GRIP1: variants seen among roughly 807,000 people sequenced by gnomAD.
GRIP1 encodes the protein glutamate receptor-interacting protein 1.
GRIP1 carries 45 observed loss-of-function variants against 129.9 expected under a neutral mutation model. The observed-to-expected ratio is 0.35, with a 90% CI of 0.27 to 0.44. The LOEUF is 0.44. Ranked by LOEUF, GRIP1 falls within the 20% of genes least tolerant of loss-of-function variation. The pLI is 1.00. For missense variants in GRIP1, 1,196 were observed against 1,396.8 expected (o/e 0.86, Z 2.29); for synonymous variants, 530 against 520.8 (o/e 1.02, Z -0.24).
intron 1 of GRIP1, among the ~76,000 whole-genome samples, chr12:66,817,229 CACACACACACACACAT>C (rs1272932673): frequency 2.0e-5 from 3 of 151,114 alleles, no homozygotes; most frequent in East Asian, 3.9e-4. Flanking sequence ...CACACACACA[CACACACACACACACAT>C]ATATATTTCC....
intron 1 of GRIP1, among the ~76,000 whole-genome samples, chr12:66,825,660 G>A (rs899505635): frequency 9.2e-5 from 14 of 152,166 alleles, no homozygotes; most frequent in Non-Finnish European, 1.8e-4. Flanking sequence ...TGCCTGGCAA[G>A]TAATCAGCAC....
At chr12:66,479,355 C>G (rs1367514185) in intron 7 of GRIP1, among the ~76,000 whole-genome samples, 2 of 152,062 alleles carry the variant, frequency 1.3e-5, no homozygotes, top group African/African-American at 4.8e-5. Context: ...TATACCCTCC[C>G]AAGACTAAAC....
intron 1 of GRIP1, among the ~76,000 whole-genome samples, chr12:66,696,133 C>CG (rs1491249555): frequency 6.6e-6 from 1 of 151,982 alleles, no homozygotes; most frequent in African/African-American, 2.4e-5. Flanking sequence ...CTCAAAACCC[C>CG]ATTTTTTTTT....
chr12:67,020,814 T>C (rs764212266), intron 1 of GRIP1, among the ~76,000 whole-genome samples: 1 of 152,164 alleles, frequency 6.6e-6, no homozygotes, highest in Non-Finnish European at 1.5e-5. Context: ...AAATATATAA[T>C]CTGGGCCCAG....
At position 66,531,316 on chromosome 12, in the gene GRIP1, CAT is replaced by C. The variant is rs1565833994; in HGVS notation, c.419-1404_419-1403del. On this transcript the variant is annotated intron_variant, in intron 4 of 24. Transcript: ENST00000359742. ...ATATATATATATACACACACACACA[CAT>C]ACATATACATATATACATATATATA... Among the ~76,000 whole-genome samples, 2 of 73,302 alleles carry C rather than the reference CAT, an allele frequency of 2.7e-5. 1 individual carries two copies. The highest frequency in any genetic ancestry group is 7.9e-4 in the East Asian group (2 of 2,546). 48.1% of individuals were successfully genotyped at this position (73,302 alleles called of 152,430 possible).
chr12:66,490,618 T>C (rs2060079922), intron 7 of GRIP1, among the ~76,000 whole-genome samples: 1 of 151,896 alleles, frequency 6.6e-6, no homozygotes, highest in Admixed American at 6.6e-5. Flanking sequence ...ACAAATGAGA[T>C]CTAATTAAAC....
chr12:66,959,568 T>A (rs757773123), intron 1 of GRIP1, among the ~76,000 whole-genome samples: 1 of 152,192 alleles, frequency 6.6e-6, no homozygotes, highest in African/African-American at 2.4e-5. Flanking sequence ...ACAGTACATT[T>A]TCTTGCCAGA....
chr12:66,474,702 C>A (rs946372818), intron 7 of GRIP1, among the ~76,000 whole-genome samples: 1 of 152,116 alleles, frequency 6.6e-6, no homozygotes, highest in Non-Finnish European at 1.5e-5. Flanking sequence ...GAATTTTCAA[C>A]CCAGAATTTC....
chr12:66,827,439 A>T (rs1566041424), intron 1 of GRIP1, among the ~76,000 whole-genome samples: 1 of 151,956 alleles, frequency 6.6e-6, no homozygotes, highest in Non-Finnish European at 1.5e-5. Flanking sequence ...CGAGAGCAAG[A>T]GAGTGCCAAA....
chr12:66,358,138 C>T (rs959571658), intron 23 of GRIP1, among the ~76,000 whole-genome samples: 1 of 152,234 alleles, frequency 6.6e-6, no homozygotes, highest in Non-Finnish European at 1.5e-5. Context: ...AAGTGATCTG[C>T]ACACCTTGGC....
intron 1 of GRIP1, among the ~76,000 whole-genome samples, chr12:66,861,290 C>A (rs1439052548): frequency 2.0e-5 from 3 of 152,092 alleles, no homozygotes; most frequent in African/African-American, 7.2e-5. Flanking sequence ...GCCAGAAATG[C>A]AAACAGCCAC....
intron 11 of GRIP1, among the ~76,000 whole-genome samples, chr12:66,446,678 C>G (rs1466849543): frequency 6.6e-6 from 1 of 152,164 alleles, no homozygotes; most frequent in East Asian, 1.9e-4. Context: ...AGTCTGCCTC[C>G]TCTAACCTAT....
At chr12:66,965,701 T>TTTTCTC (rs1464611485) in intron 1 of GRIP1, among the ~76,000 whole-genome samples, 1 of 151,978 alleles carries the variant, frequency 6.6e-6, no homozygotes, top group Non-Finnish European at 1.5e-5. Flanking sequence ...AGCCAGGCTA[T>TTTTCTC]TTTCTCTTTT....
At chr12:66,973,301 G>A (rs1192605739) in intron 1 of GRIP1, among the ~76,000 whole-genome samples, 1 of 149,842 alleles carries the variant, frequency 6.7e-6, no homozygotes, top group Non-Finnish European at 1.5e-5. Context: ...TCAGGGGTTT[G>A]GGGTAGGTTT....
rs547670691 is a variant in GRIP1 at position 66,988,662 on chromosome 12, C to T, written c.58+80388G>A. ...AAAGTGCTGGGATTACGGGTTTGAG[C>T]CACCGCACCCAGCTAAGAACCTGTA... On this transcript the variant is annotated intron_variant, in intron 1 of 1. Coordinates refer to the GRIP1 transcript ENST00000643019. 1.8e-4 allele frequency among the ~76,000 whole-genome samples: 27 copies of T among 152,254 alleles called. 1 individual carries two copies. Among genetic ancestry groups the T allele is most frequent in the Admixed American group, 9.8e-4 (15 of 15,282 alleles).
chr12:66,827,291 C>A (rs2039430497), intron 1 of GRIP1, among the ~76,000 whole-genome samples: 1 of 151,244 alleles, frequency 6.6e-6, no homozygotes, highest in Non-Finnish European at 1.5e-5. Flanking sequence ...GTTTGCAGGG[C>A]TTCAGTTTCT....
intron 1 of GRIP1, among the ~76,000 whole-genome samples, chr12:66,613,689 T>C (rs2139901729): frequency 6.6e-6 from 1 of 152,314 alleles, no homozygotes. Context: ...TCTTGGGTAT[T>C]ACAAATCATC....
intron 16 of GRIP1, among the ~76,000 whole-genome samples, chr12:66,395,897 C>T (rs1349977335): frequency 6.6e-6 from 1 of 152,164 alleles, no homozygotes; most frequent in Non-Finnish European, 1.5e-5. Context: ...CTGCTAAGGG[C>T]TCCAGAGAGA....
At chr12:67,035,476 T>A (rs960316217) in intron 1 of GRIP1, 1 of 152,244 alleles carries the variant, frequency 6.6e-6, no homozygotes, top group Non-Finnish European at 1.5e-5. Context: ...TTATTAGTTT[T>A]AATGTTGTAA....
Sources: allele counts gnomAD v4.1 joint callset (sites outside exome capture counted in the v4.1 genomes callset), GRCh38; gene constraint gnomAD v4.1.1; transcripts MANE v1.5; gene names NCBI Gene and HGNC (gene_info 2026-07-23, HGNC 2026-07-21).